Variants in NCOR1 observed in about 807,000 individuals in gnomAD.
NCOR1 encodes nuclear receptor corepressor 1, also known as protein phosphatase 1, regulatory subunit 109.
In NCOR1, 63 loss-of-function variants were observed where a neutral mutation model predicts 288.1. That is an observed-to-expected ratio of 0.22 (90% CI 0.18 to 0.27). The LOEUF (loss-of-function observed/expected upper bound fraction) is 0.27. Ranked by LOEUF, NCOR1 falls within the 10% of genes least tolerant of loss-of-function variation. The pLI is 1.00. For synonymous variants in NCOR1, 1,007 were observed against 1,065.9 expected, an observed-to-expected ratio of 0.94 and a Z score of 1.08; for missense variants, 2,397 against 3,019.2, an observed-to-expected ratio of 0.79 and a Z score of 4.83.
intron 14 of NCOR1, among the ~76,000 whole-genome samples, chr17:16,129,430 T>A (rs2072158487): frequency 6.6e-6 from 1 of 152,254 alleles, no homozygotes; most frequent in Admixed American, 6.5e-5. Context: ...ACTTGCTTTA[T>A]CTGACCTTCC....
chr17:16,178,492 C>G (rs1299671113), intron 3 of NCOR1, among the ~76,000 whole-genome samples: 1 of 122,852 alleles, frequency 8.1e-6, no homozygotes, highest in Non-Finnish European at 1.6e-5. Context: ...GAGCAAGACT[C>G]CGTCTCAAAA....
chr17:16,044,818 T>A, intron 42 of NCOR1: 1 of 1,088,812 alleles, frequency 9.2e-7, no homozygotes. Context: ...TAGGGGCTGG[T>A]GGACCTGCTC....
intron 1 of NCOR1, among the ~76,000 whole-genome samples, chr17:16,200,349 T>C (rs1288664595): frequency 6.6e-6 from 1 of 151,436 alleles, no homozygotes; most frequent in African/African-American, 2.4e-5. Context: ...AAAAAAAAAT[T>C]AGCCGGACAT....
intron 3 of NCOR1, among the ~76,000 whole-genome samples, chr17:16,179,972 A>AC (rs2085054574): frequency 6.6e-6 from 1 of 151,656 alleles, no homozygotes; most frequent in African/African-American, 2.4e-5. Flanking sequence ...AAAAAAAAAA[A>AC]AAAAAAACAA....
intron 1 of NCOR1, among the ~76,000 whole-genome samples, chr17:16,197,321 C>CA (rs1162247518): frequency 0.031 from 3,860 of 126,014 alleles, 147 homozygotes; most frequent in African/African-American, 0.1. Context: ...ACTCCGTCTC[C>CA]AAAAAAAAAA....
intron 21 of NCOR1, among the ~76,000 whole-genome samples, chr17:16,096,590 A>C (rs2152959862): frequency 6.6e-6 from 1 of 152,310 alleles, no homozygotes; most frequent in East Asian, 1.9e-4. Flanking sequence ...AGGACTTACT[A>C]ATATTTATGG....
At position 16,143,798 on chromosome 17, in the gene NCOR1, CAAGTT is replaced by C. The variant is rs201160595; in HGVS notation, c.1083-107_1083-103del. 2.7e-3 allele frequency: 2,140 copies of C among 804,132 alleles called. 30 individuals are homozygous for C. The African/African-American group carries it at 0.033, about 12-fold the overall frequency. 49.8% of individuals were successfully genotyped at this position (804,132 alleles called of 1,614,324 possible). ...ACTTTTCTGAATGGAACTTTTTAAC[CAAGTT>C]AAGAGAAGAAACATAAAATACTATT... On this transcript the variant is annotated intron_variant, in intron 10 of 45. Coordinates refer to ENST00000268712, the MANE Select transcript of NCOR1 (RefSeq NM_006311.4).
At chr17:16,181,543 G>C (rs1051439214) in intron 3 of NCOR1, among the ~76,000 whole-genome samples, 1 of 152,044 alleles carries the variant, frequency 6.6e-6, no homozygotes, top group Non-Finnish European at 1.5e-5. Context: ...ATAACATGAG[G>C]ACTAAAGTTA....
chr17:16,194,710 C>T, intron 1 of NCOR1, 71 bp from the exon 2 acceptor site: 1 of 478,306 alleles, frequency 2.1e-6, no homozygotes, highest in Non-Finnish European at 3.7e-6. Flanking sequence ...TAAATTATAA[C>T]TATAGCTACA....
intron 1 of NCOR1, among the ~76,000 whole-genome samples, chr17:16,210,604 G>C (rs1237706462): frequency 6.6e-6 from 1 of 152,076 alleles, no homozygotes. Flanking sequence ...CTGTAACACT[G>C]ACATAGATCA....
At chr17:16,189,841 A>G (rs2087727034) in intron 2 of NCOR1, among the ~76,000 whole-genome samples, 1 of 152,252 alleles carries the variant, frequency 6.6e-6, no homozygotes, top group African/African-American at 2.4e-5. Context: ...TAATAAAAGC[A>G]GGCTTCTCAT....
intron 1 of NCOR1, among the ~76,000 whole-genome samples, chr17:16,204,555 C>T (rs563047408): frequency 6.6e-6 from 1 of 152,130 alleles, no homozygotes; most frequent in South Asian, 2.1e-4. Flanking sequence ...AACATGTATA[C>T]ATTGTTTTTC....
chr17:16,158,831 T>C lies in NCOR1; in HGVS notation c.661A>G (p.Lys221Glu). The C allele has an allele frequency of 6.2e-7, 1 of 1,614,100 alleles. No individual in the cohort carries two copies. The highest frequency in any genetic ancestry group is 8.5e-7 in the Non-Finnish European group (1 of 1,180,014). The change falls in exon 6 of 46, where the codon AAG (lysine) becomes GAG (glutamate). Residue 221 changes from lysine to glutamate, a missense_variant. Physicochemically the swap from Lys to Glu is moderately conservative, Grantham distance 56 (BLOSUM62 1). Coordinates refer to ENST00000268712, the MANE Select transcript of NCOR1 (RefSeq NM_006311.4). ...EEAAKPPEPE[K>E]PVSPPPVEQK... ...TCCACAGGAGGAGGGGACACGGGCT[T>C]CTCAGGCTCAGGAGGTTTAGCTGCC...
At chr17:16,057,857 C>T (rs747600284) in intron 39 of NCOR1, 50 bp downstream of exon 39, 1 of 1,531,626 alleles carries the variant, frequency 6.5e-7, no homozygotes, top group South Asian at 1.3e-5. Flanking sequence ...ATCTGCTTTC[C>T]CCATGATCAA....
At chr17:16,072,291 G>A in intron 28 of NCOR1, 63 bp from the exon 29 acceptor site, 5 of 1,222,502 alleles carry the variant, frequency 4.1e-6, no homozygotes, top group Non-Finnish European at 5.9e-6. Context: ...CACATATACT[G>A]AATGCTGTTC....
chr17:16,044,922 G>C, intron 42 of NCOR1: 2 of 665,154 alleles, frequency 3.0e-6, no homozygotes, highest in Non-Finnish European at 5.4e-6. Flanking sequence ...AGAATCTGAG[G>C]AGTCTGATGA....
rs1265284315 is a variant in NCOR1 at position 16,047,073 on chromosome 17, C to T, written c.6557G>A (p.Gly2186Glu). 1 of 1,612,584 alleles carries T rather than the reference C, an allele frequency of 6.2e-7. No homozygotes were observed. Among genetic ancestry groups the T allele is most frequent in the South Asian group, 1.1e-5 (1 of 90,784 alleles). The change falls in exon 42 of 46, where the codon GGG becomes GAG. Residue 2186 changes from glycine to glutamate, a missense_variant. Gly to Glu is a moderately conservative substitution (Grantham distance 98). Transcript: ENST00000268712. ...GAATGAAGGCAAGTAGCTTATACTC[C>T]CTGGTGAGCGGGCATCATTCCTGTT... ...AEQRNDARSP[G>E]SISYLPSFFT...
rs2057163256 is a variant in NCOR1 at position 16,039,639 on chromosome 17, C to G, written c.6749G>C (p.Arg2250Thr). ...AVTTSGSVSS[R>T]GHSFADPASN... is the part of the protein sequence containing the mutation. ...GGCAGGATCAGCAAAAGAATGGCCT[C>G]TAGAGCTAACTGAGCCTGAAAGAGA... The change falls in exon 44 of 46, where the codon AGA (arginine) becomes ACA (threonine). Residue 2250 changes from arginine (R) to threonine (T), a missense_variant. Arg to Thr is a moderately conservative substitution (Grantham distance 71). Coordinates refer to ENST00000268712, the MANE Select transcript of NCOR1 (RefSeq NM_006311.4). 6 of 1,613,826 alleles carry G rather than the reference C, an allele frequency of 3.7e-6. No homozygotes were observed. The East Asian group carries it at 1.3e-4, about 36-fold the overall frequency.
chr17:16,157,799 C>T (rs2080060569), intron 6 of NCOR1, among the ~76,000 whole-genome samples: 1 of 151,476 alleles, frequency 6.6e-6, no homozygotes, highest in South Asian at 2.1e-4. Context: ...ATCAGTTTCC[C>T]TCTAACTGCT....
Sources: allele counts gnomAD v4.1 joint callset (sites outside exome capture counted in the v4.1 genomes callset), GRCh38; gene constraint gnomAD v4.1.1; transcripts MANE v1.5; gene names NCBI Gene and HGNC (gene_info 2026-07-23, HGNC 2026-07-21).